Variants in GOLM2 observed in about 807,000 individuals in gnomAD.
GOLM2 encodes the protein golgi membrane protein 2.
Under a neutral mutation model 55.9 loss-of-function variants are expected in GOLM2, and 26 were observed. The ratio of observed to expected loss-of-function variants is 0.47; its 90% CI spans 0.34 to 0.65. The LOEUF (loss-of-function observed/expected upper bound fraction) is 0.65, where lower values mean the gene tolerates loss of function less well. Among genes scored for constraint, GOLM2 ranks in the 30% least tolerant of loss-of-function variants. The pLI, the probability that GOLM2 is intolerant of heterozygous loss-of-function variation, is 0.01. For missense variants in GOLM2, 486 were observed against 531.8 expected, an observed-to-expected ratio of 0.91 and a Z score of 0.85; for synonymous variants, 165 against 194.6, an observed-to-expected ratio of 0.85 and a Z score of 1.27.
chr15:44,307,696 A>G (rs1380778114), intron 1 of GOLM2: 3 of 152,244 alleles, frequency 2.0e-5, no homozygotes, highest in African/African-American at 7.2e-5. Flanking sequence ...AGGGAGGCAC[A>G]CATAGAAAAA....
chr15:44,296,688 C>T (rs1009865721), intron 1 of GOLM2, among the ~76,000 whole-genome samples: 3 of 152,166 alleles, frequency 2.0e-5, no homozygotes, highest in African/African-American at 7.2e-5. Flanking sequence ...TGTCTGTGTT[C>T]CTGCCCAAGA....
intron 4 of GOLM2, among the ~76,000 whole-genome samples, chr15:44,335,983 T>A (rs893002143): frequency 2.6e-5 from 4 of 151,474 alleles, no homozygotes; most frequent in Non-Finnish European, 4.4e-5. Flanking sequence ...CCCGACTAAT[T>A]TTTGTATTTT....
Position 44,354,638 on chromosome 15 carries a change from ACAGCAGCAGCCATG to A in GOLM2, c.802+16350_802+16363del, listed in dbSNP as rs370993656. Reference sequence around the variant, plus strand: ...CTGTTCCTTCTGTGTGATAAAGGACACAGCAGCAGCCATGCAGCAGCAGCCATGCAGCAGCAGCC... The same window carrying A: ...CTGTTCCTTCTGTGTGATAAAGGACACAGCAGCAGCCATGCAGCAGCAGCC... On this transcript the variant is annotated intron_variant, in intron 6 of 9. Coordinates refer to ENST00000299957, the MANE Select transcript of GOLM2 (RefSeq NM_138423.4). 6.5e-3 allele frequency: 992 copies of A among 153,132 alleles called. 5 individuals carry two copies. The highest frequency in any genetic ancestry group is 0.014 in the Middle Eastern group (4 of 296). The allele number at this position is 153,132 out of a possible 1,614,324, so 9.5% of individuals were successfully genotyped here.
intron 6 of GOLM2, among the ~76,000 whole-genome samples, chr15:44,368,401 C>T (rs2079301127): frequency 6.6e-6 from 1 of 150,806 alleles, no homozygotes; most frequent in African/African-American, 2.4e-5. Context: ...AGCCACCATG[C>T]TCGGCCGAGT....
intron 8 of GOLM2, among the ~76,000 whole-genome samples, chr15:44,401,053 G>A (rs917053981): frequency 2.6e-5 from 4 of 152,126 alleles, no homozygotes; most frequent in African/African-American, 9.7e-5. Context: ...CCAAGCAAAG[G>A]AAGCTGTTTA....
chr15:44,398,168 C>T (rs1824703296), intron 8 of GOLM2, among the ~76,000 whole-genome samples: 1 of 152,228 alleles, frequency 6.6e-6, no homozygotes, highest in Non-Finnish European at 1.5e-5. Context: ...CAACTGAAGC[C>T]ATGTTCAGTT....
chr15:44,377,745 C>G (rs998525397), intron 6 of GOLM2, among the ~76,000 whole-genome samples: 55 of 152,004 alleles, frequency 3.6e-4, no homozygotes, highest in African/African-American at 1.3e-3. Context: ...TCAGCACTAT[C>G]ATTTGGTAAT....
chr15:44,380,664 T>TA, intron 7 of GOLM2, 142 bp from the exon 8 acceptor site: 28 of 523,476 alleles, frequency 5.3e-5, no homozygotes, highest in South Asian at 8.0e-5. Context: ...GAATAAACCT[T>TA]TAAAAAAAAA....
intron 6 of GOLM2, chr15:44,355,505 TG>T: frequency 6.2e-6 from 1 of 160,892 alleles, no homozygotes; most frequent in Non-Finnish European, 1.4e-5. Context: ...GAGGGCACAC[TG>T]GGCTACACTG....
chr15:44,289,558 T>A lies in GOLM2; in HGVS notation c.327+202T>A, dbSNP rs1206013974. Among the ~76,000 whole-genome samples, 1 of 152,130 alleles carries A rather than the reference T, an allele frequency of 6.6e-6. No individual in the cohort carries two copies. Among genetic ancestry groups the A allele is most frequent in the African/African-American group, 2.4e-5 (1 of 41,418 alleles). On this transcript the variant is annotated intron_variant, in intron 1 of 9. Transcript: ENST00000299957. The surrounding 1 kb of genome is among the most constrained non-coding windows in gnomAD (Gnocchi z 4.8). The stretch of plus-strand genomic sequence containing the variant: ...TTCTCTGGTCCCTGCCAGAAAAAAA[T>A]GACTGTAAATTCTGGTTCTCAAGAG...
At chr15:44,391,751 T>C (rs548041525) in intron 8 of GOLM2, among the ~76,000 whole-genome samples, 3 of 152,134 alleles carry the variant, frequency 2.0e-5, no homozygotes, top group Admixed American at 6.6e-5. Context: ...CAGAAAAAGA[T>C]AGGGAAAATC....
intron 1 of GOLM2, among the ~76,000 whole-genome samples, chr15:44,308,860 G>C (rs943360759): frequency 6.6e-6 from 1 of 152,120 alleles, no homozygotes; most frequent in Middle Eastern, 3.2e-3. Flanking sequence ...TACCTACAGA[G>C]TAGGAGAAGA....
intron 4 of GOLM2, among the ~76,000 whole-genome samples, chr15:44,335,670 C>A (rs1567028481): frequency 6.6e-6 from 1 of 152,172 alleles, no homozygotes. Flanking sequence ...TTCAGTTTAT[C>A]ATTTCATTCA....
At chr15:44,302,513 T>C (rs2141111336) in intron 1 of GOLM2, among the ~76,000 whole-genome samples, 1 of 151,526 alleles carries the variant, frequency 6.6e-6, no homozygotes, top group African/African-American at 2.4e-5. Context: ...TTTTTTGAGA[T>C]GGGGTCTCAC....
chr15:44,385,876 T>G (rs758277487), intron 8 of GOLM2, among the ~76,000 whole-genome samples: 28 of 152,122 alleles, frequency 1.8e-4, no homozygotes, highest in Non-Finnish European at 5.9e-5. Context: ...CATTTTTATG[T>G]TGGGTTATTT....
chr15:44,351,448 G>A (rs1412551926), intron 6 of GOLM2, among the ~76,000 whole-genome samples: 3 of 151,642 alleles, frequency 2.0e-5, no homozygotes, highest in Admixed American at 1.3e-4. Context: ...GTGGTGGCGG[G>A]TGCCTATAGT....
chr15:44,332,559 C>CA (rs538749477), intron 4 of GOLM2, among the ~76,000 whole-genome samples: 15,185 of 120,602 alleles, frequency 0.13, 1,658 homozygotes, highest in African/African-American at 0.31. Flanking sequence ...GACTCCGTTT[C>CA]AAAAAAAAAA....
At chr15:44,322,444 T>A (rs1399222196) in intron 1 of GOLM2, among the ~76,000 whole-genome samples, 4 of 152,208 alleles carry the variant, frequency 2.6e-5, no homozygotes, top group Non-Finnish European at 5.9e-5. Context: ...AAAGTTACTT[T>A]GGGGTAGACA....
At chr15:44,331,931 A>G (rs746978688) in intron 3 of GOLM2, 57 bp from the exon 4 acceptor site, 23 of 1,239,864 alleles carry the variant, frequency 1.9e-5, no homozygotes, top group Non-Finnish European at 2.7e-5. Context: ...ACTTCTGGAC[A>G]ACTTTGAGAA....
Sources: allele counts gnomAD v4.1 joint callset (sites outside exome capture counted in the v4.1 genomes callset), GRCh38; gene constraint gnomAD v4.1.1; non-coding constraint Gnocchi (gnomAD v3.1); transcripts MANE v1.5; gene names NCBI Gene and HGNC (gene_info 2026-07-23, HGNC 2026-07-21).